Variants in TOX2 observed in about 807,000 individuals in gnomAD.
TOX2 encodes the protein TOX high mobility group box family member 2.
A neutral mutation model predicts 47.4 loss-of-function variants in TOX2; 15 were observed. The ratio of observed to expected loss-of-function variants is 0.32; its 90% CI spans 0.21 to 0.49. The LOEUF is 0.49. Among genes scored for constraint, TOX2 ranks in the 20% least tolerant of loss-of-function variants. TOX2 has a pLI of 0.99. For synonymous variants in TOX2, 290 were observed against 296.6 expected (o/e 0.98, Z 0.23); for missense variants, 622 against 673.1 (o/e 0.92, Z 0.84).
At chr20:44,002,224 C>T (rs541851193) in intron 2 of TOX2, among the ~76,000 whole-genome samples, 1 of 152,334 alleles carries the variant, frequency 6.6e-6, no homozygotes, top group Non-Finnish European at 1.5e-5. Context: ...GCTCCCTATA[C>T]AATTCCTTGT....
intron 1 of TOX2, among the ~76,000 whole-genome samples, chr20:43,937,101 C>T (rs2069336002): frequency 6.6e-6 from 1 of 152,084 alleles, no homozygotes; most frequent in Non-Finnish European, 1.5e-5. Flanking sequence ...GGCCGGGAGA[C>T]CAGGCAACAG....
At chr20:44,055,644 TG>T (rs568862401) in intron 5 of TOX2, among the ~76,000 whole-genome samples, 104 of 152,224 alleles carry the variant, frequency 6.8e-4, no homozygotes, top group African/African-American at 2.3e-3. Flanking sequence ...GAGGAGAGAC[TG>T]GAACGGCAGC....
chr20:43,932,702 G>C (rs1233636895), intron 1 of TOX2, among the ~76,000 whole-genome samples: 1 of 152,106 alleles, frequency 6.6e-6, no homozygotes. Flanking sequence ...GAGGGGCTTT[G>C]AGGGGCTCAC....
chr20:43,995,014 T>G (rs1162907787), intron 2 of TOX2, among the ~76,000 whole-genome samples: 3 of 152,108 alleles, frequency 2.0e-5, no homozygotes. Context: ...TGAGAAAAGA[T>G]ATTACATTCC....
At chr20:43,936,966 G>A (rs6130483) in intron 1 of TOX2, among the ~76,000 whole-genome samples, 9,461 of 152,226 alleles carry the variant, frequency 0.062, 593 homozygotes, top group African/African-American at 0.15. Context: ...TGTGTGCCAG[G>A]CACTGTGGCA....
At chr20:43,934,794 GTGTT>G (rs1206163383) in intron 1 of TOX2, among the ~76,000 whole-genome samples, 1 of 130,532 alleles carries the variant, frequency 7.7e-6, no homozygotes, top group East Asian at 2.4e-4. Flanking sequence ...ATCTGTGTGT[GTGTT>G]TGTGTGTGTG....
chr20:44,023,423 T>C, intron 3 of TOX2, among the ~76,000 whole-genome samples: 1 of 102,700 alleles, frequency 9.7e-6, no homozygotes, highest in Admixed American at 1.0e-4. Flanking sequence ...GAGCTAGACT[T>C]TATCTCAGAA....
At chr20:44,049,434 G>A (rs1301376440) in intron 3 of TOX2, among the ~76,000 whole-genome samples, 5 of 152,184 alleles carry the variant, frequency 3.3e-5, no homozygotes, top group Non-Finnish European at 7.3e-5. Flanking sequence ...ACTGGAAATT[G>A]TAGCCAAAAG....
rs138606787 is a variant in TOX2 at position 43,991,305 on chromosome 20, G to A, written c.166-15242G>A. 4.0e-3 allele frequency among the ~76,000 whole-genome samples: 606 copies of A among 152,314 alleles called. 10 individuals carry two copies. Among genetic ancestry groups the A allele is most frequent in the African/African-American group, 0.014 (564 of 41,562 alleles). The stretch of plus-strand genomic sequence containing the variant: ...GCTTCAGACCTTTGCTGACTTCTTA[G>A]AGCTTGCAGGAAAGATGGTGCAGCA... On this transcript the variant is annotated intron_variant, in intron 2 of 8. Transcript: ENST00000341197.
chr20:43,964,118 C>G (rs1022565784), intron 1 of TOX2, among the ~76,000 whole-genome samples: 4 of 151,758 alleles, frequency 2.6e-5, no homozygotes, highest in African/African-American at 9.7e-5. Context: ...AAACCAACAG[C>G]TTGAAAGCAA....
chr20:44,003,183 CTTTTTTT>C (rs376872679), intron 2 of TOX2, among the ~76,000 whole-genome samples: 8 of 133,138 alleles, frequency 6.0e-5, no homozygotes, highest in African/African-American at 1.9e-4. Flanking sequence ...GTACATTCAA[CTTTTTTT>C]TTTTTTTTTT....
chr20:43,937,325 G>A (rs915289231), intron 1 of TOX2, among the ~76,000 whole-genome samples: 1 of 152,168 alleles, frequency 6.6e-6, no homozygotes, highest in Non-Finnish European at 1.5e-5. Context: ...GAGCATTTCC[G>A]TGCGATGCAG....
Position 44,051,450 on chromosome 20 carries a change from A to G in TOX2, c.556A>G (p.Ile186Val), listed in dbSNP as rs368248761. ...LISQMGIRSS[I>V]AHSSPSPPGS... ...CTCGCAGATGGGCATCCGGAGCAGC[A>G]TCGCCCACAGCTCCCCATCACCGCC... The change falls in exon 4 of 9, where the codon ATC becomes GTC. Residue 186 changes from isoleucine to valine, a missense_variant. By Grantham distance (29) the Ile-to-Val change is conservative. Transcript: ENST00000341197. The G allele has an allele frequency of 5.8e-5, 94 of 1,614,022 alleles. 2 individuals are homozygous for G. In the South Asian group the frequency reaches 9.7e-4, roughly 17 times the overall value.
rs571129674 is a variant in TOX2 at position 44,021,267 on chromosome 20, TAGG to T, written c.411+14480_411+14482del. Among the ~76,000 whole-genome samples, 33 of 152,122 alleles carry T rather than the reference TAGG, an allele frequency of 2.2e-4. No homozygotes were observed. The East Asian group carries it at 5.6e-3, about 26-fold the overall frequency. ...CAGCAAAGCCCATTCTTTGAGATCA[TAGG>T]AGGACAGAGTGTGAGCAGGTAGACA... On this transcript the variant is annotated intron_variant, in intron 3 of 8. Transcript: ENST00000341197.
chr20:44,053,583 A>G (rs1251660430), intron 4 of TOX2, among the ~76,000 whole-genome samples: 1 of 134,276 alleles, frequency 7.4e-6, no homozygotes, highest in East Asian at 2.2e-4. Context: ...ACATATATAT[A>G]CTATATATAC....
At chr20:43,990,509 C>T (rs2070351169) in intron 2 of TOX2, among the ~76,000 whole-genome samples, 1 of 152,174 alleles carries the variant, frequency 6.6e-6, no homozygotes, top group Non-Finnish European at 1.5e-5. Context: ...CCTGGGAAGG[C>T]AGTAGGGTAT....
At chr20:44,038,651 A>C (rs2071278723) in intron 3 of TOX2, among the ~76,000 whole-genome samples, 1 of 152,172 alleles carries the variant, frequency 6.6e-6, no homozygotes, top group Non-Finnish European at 1.5e-5. Flanking sequence ...AAGAAAAAAA[A>C]AAATTCCGCC....
chr20:43,966,974 TG>T (rs2069868421), intron 1 of TOX2, among the ~76,000 whole-genome samples: 1 of 151,736 alleles, frequency 6.6e-6, no homozygotes, highest in African/African-American at 2.4e-5. Context: ...AACACCAACA[TG>T]GGTTTGTGGT....
At chr20:44,040,138 G>A (rs747701211) in intron 3 of TOX2, among the ~76,000 whole-genome samples, 7 of 152,190 alleles carry the variant, frequency 4.6e-5, no homozygotes, top group Non-Finnish European at 8.8e-5. Flanking sequence ...CCTCTCTTGT[G>A]AGCTCAACTT....
Sources: allele counts gnomAD v4.1 joint callset (sites outside exome capture counted in the v4.1 genomes callset), GRCh38; gene constraint gnomAD v4.1.1; transcripts MANE v1.5; gene names NCBI Gene and HGNC (gene_info 2026-07-23, HGNC 2026-07-21).